ASAP2: variants seen among roughly 807,000 people sequenced by gnomAD.
The protein encoded by ASAP2 is ArfGAP with SH3 domain, ankyrin repeat and PH domain 2, also known as arf-GAP with SH3 domain, ANK repeat and PH domain-containing protein 2.
In ASAP2, 45 loss-of-function variants were observed where a neutral mutation model predicts 131.4. The ratio of observed to expected loss-of-function variants is 0.34; its 90% CI spans 0.27 to 0.44. The LOEUF (loss-of-function observed/expected upper bound fraction) is 0.44. Ranked by LOEUF, ASAP2 falls within the 20% of genes least tolerant of loss-of-function variation. The pLI is 1.00. For missense variants in ASAP2, 1,011 were observed against 1,297.0 expected (o/e 0.78, Z 3.39); for synonymous variants, 510 against 503.0 (o/e 1.01, Z -0.19).
chr2:9,318,796 C>T (rs1412804471), intron 4 of ASAP2, among the ~76,000 whole-genome samples, 198 bp downstream of exon 4: 2 of 152,154 alleles, frequency 1.3e-5, no homozygotes, highest in East Asian at 3.8e-4. Context: ...CCTTTCTGGC[C>T]GTCCTGTTGG....
At chr2:9,272,965 TTAAG>T (rs1039334393) in intron 1 of ASAP2, among the ~76,000 whole-genome samples, 8 of 152,234 alleles carry the variant, frequency 5.3e-5, no homozygotes, top group Non-Finnish European at 1.0e-4. Flanking sequence ...ATAGTATAAT[TTAAG>T]TAAGGTAATG....
At chr2:9,289,146 C>T (rs1667641150) in intron 2 of ASAP2, among the ~76,000 whole-genome samples, 1 of 152,158 alleles carries the variant, frequency 6.6e-6, no homozygotes, top group South Asian at 2.1e-4. Flanking sequence ...GAATGCAGAT[C>T]TCTTAGAAGC....
At chr2:9,275,771 C>T (rs1422184274) in intron 1 of ASAP2, among the ~76,000 whole-genome samples, 1 of 152,128 alleles carries the variant, frequency 6.6e-6, no homozygotes, top group Non-Finnish European at 1.5e-5. Flanking sequence ...GTGGCAAGCT[C>T]TCTGGTAGGC....
In ASAP2 at chr2:9,392,043, A is replaced by G. The variant is rs138305232; in HGVS notation, c.2518+847A>G. 3.9e-5 allele frequency among the ~76,000 whole-genome samples: 6 copies of G among 152,114 alleles called. No individual in the cohort carries two copies. The highest frequency in any genetic ancestry group is 1.4e-4 in the African/African-American group (6 of 41,520). ...TTATTGGTGCAAGCGTATTTTTTGT[A>G]GAGACAGGGTTTTGCTATGTTGCCC... is the stretch of plus-strand genomic sequence containing the variant. On this transcript the variant is annotated intron_variant, in intron 23 of 27. Coordinates refer to ENST00000281419, the MANE Select transcript of ASAP2 (RefSeq NM_003887.3). This position sits in a 1 kb window ranked among gnomAD's most constrained non-coding sequence, Gnocchi z 4.0.
chr2:9,279,333 G>A lies in ASAP2; in HGVS notation c.143G>A (p.Arg48Gln), dbSNP rs767981965. The A allele has an allele frequency of 4.3e-6, 7 of 1,614,034 alleles. No homozygotes were observed. Among genetic ancestry groups the A allele is most frequent in the Non-Finnish European group, 5.9e-6 (7 of 1,180,006 alleles). Residue 48 changes from arginine (R) to glutamine (Q), a missense_variant, in exon 2 of 28, where the codon CGG (arginine) becomes CAG (glutamine). Coordinates refer to ENST00000281419, the MANE Select transcript of ASAP2 (RefSeq NM_003887.3). ...AAIEEALDVD[R>Q]MVLYKMKKSV... ...ACATTTTAGGCTTTGGACGTGGACC[G>A]GATGGTTCTTTACAAAATGAAGAAA... is the stretch of plus-strand genomic sequence containing the variant.
chr2:9,329,260 G>A (rs1317527525), intron 7 of ASAP2, among the ~76,000 whole-genome samples: 1 of 152,236 alleles, frequency 6.6e-6, no homozygotes, highest in Non-Finnish European at 1.5e-5. Context: ...GATGGCCCCA[G>A]ACATCTTGCA....
chr2:9,400,080 T>C lies in ASAP2; in HGVS notation c.2734+8T>C. On this transcript the variant is annotated splice_region_variant and intron_variant, in intron 25 of 27. Coordinates refer to ENST00000281419, the MANE Select transcript of ASAP2 (RefSeq NM_003887.3). ...GCCAACCGAGAGGACCTGGTAATTA[T>C]TTAATTTGGGACTGAGTTTGTTTCT... 6.2e-7 allele frequency: 1 copy of C among 1,612,560 alleles called. No individual in the cohort carries two copies. The highest frequency in any genetic ancestry group is 1.1e-5 in the South Asian group (1 of 91,054).
At chr2:9,384,597 G>A (rs920763637) in intron 20 of ASAP2, among the ~76,000 whole-genome samples, 2 of 152,216 alleles carry the variant, frequency 1.3e-5, no homozygotes, top group African/African-American at 2.4e-5. Flanking sequence ...TGCTGGAGTG[G>A]CTCATAGAAC....
intron 1 of ASAP2, among the ~76,000 whole-genome samples, chr2:9,239,486 A>G (rs1663790571): frequency 6.6e-6 from 1 of 152,164 alleles, no homozygotes; most frequent in South Asian, 2.1e-4. Context: ...GGGAGATAAT[A>G]ACAAACTCTT....
At chr2:9,242,339 T>G (rs1285034123) in intron 1 of ASAP2, among the ~76,000 whole-genome samples, 1 of 152,206 alleles carries the variant, frequency 6.6e-6, no homozygotes, top group Non-Finnish European at 1.5e-5. Context: ...TGGTGGTGCT[T>G]GGTAAATGTT....
In ASAP2 at chr2:9,401,280, T is replaced by C; in HGVS notation, c.2830T>C (p.Leu944=). The part of the protein sequence containing the change: ...PMPRKSQATK[L]KPKRVKALYN... Reference sequence around the variant, plus strand: ...GTTCCCTCTCCTGACCCAGACCAAGTTGAAGCCTAAGCGGGTGAAAGCGCT... The same window carrying C: ...GTTCCCTCTCCTGACCCAGACCAAGCTGAAGCCTAAGCGGGTGAAAGCGCT... The change falls in exon 27 of 28, where the codon TTG becomes CTG. Residue 944 remains leucine (L), a synonymous_variant. Transcript: ENST00000281419. 1 of 1,613,416 alleles carries C rather than the reference T, an allele frequency of 6.2e-7. No individual in the cohort carries two copies. The highest frequency in any genetic ancestry group is 8.5e-7 in the Non-Finnish European group (1 of 1,179,886).
At chr2:9,362,326 G>A (rs1673156029) in intron 15 of ASAP2, among the ~76,000 whole-genome samples, 2 of 152,318 alleles carry the variant, frequency 1.3e-5, no homozygotes, top group South Asian at 4.1e-4. Flanking sequence ...CACAGGAGTA[G>A]CATCTCTCCT....
At chr2:9,342,445 T>A (rs186864118) in intron 9 of ASAP2, among the ~76,000 whole-genome samples, 73 of 152,348 alleles carry the variant, frequency 4.8e-4, no homozygotes, top group African/African-American at 1.7e-3. Context: ...CTGGGGCAGC[T>A]GGATAGCCAC....
intron 1 of ASAP2, among the ~76,000 whole-genome samples, chr2:9,231,483 G>A (rs1319672067): frequency 6.6e-6 from 1 of 152,194 alleles, no homozygotes; most frequent in Non-Finnish European, 1.5e-5. Context: ...TCGCTGAGAT[G>A]CCAGTGAGCA....
intron 16 of ASAP2, among the ~76,000 whole-genome samples, chr2:9,372,254 C>A (rs1195286524): frequency 6.6e-6 from 1 of 152,090 alleles, no homozygotes; most frequent in Non-Finnish European, 1.5e-5. Flanking sequence ...CCATGACACT[C>A]GCCAGGCCAG....
chr2:9,305,485 A>G (rs1668838054), intron 3 of ASAP2, among the ~76,000 whole-genome samples: 2 of 136,176 alleles, frequency 1.5e-5, no homozygotes, highest in Non-Finnish European at 1.6e-5. Context: ...GGGTATAGAT[A>G]TTGGTGGAGA....
At chr2:9,309,895 T>C (rs1327821708) in intron 3 of ASAP2, among the ~76,000 whole-genome samples, 1 of 152,208 alleles carries the variant, frequency 6.6e-6, no homozygotes, top group Non-Finnish European at 1.5e-5. Context: ...CTGTGGGACA[T>C]CACAGGTCCA....
At chr2:9,391,224 GC>G in intron 23 of ASAP2, 28 bp downstream of exon 23, 2 of 1,593,360 alleles carry the variant, frequency 1.3e-6, no homozygotes, top group Non-Finnish European at 8.6e-7. Flanking sequence ...TTCCTTTCTT[GC>G]CCGTGGGCTT....
At chr2:9,384,243 C>T (rs759027708) in intron 20 of ASAP2, among the ~76,000 whole-genome samples, 37 of 152,188 alleles carry the variant, frequency 2.4e-4, no homozygotes, top group Admixed American at 5.9e-4. Flanking sequence ...CAAACTTACA[C>T]CACAAACTAA....
Sources: gnomAD v4.1 joint callset for allele counts (sites outside exome capture counted in the v4.1 genomes callset) on GRCh38, gnomAD v4.1.1 for gene constraint, Gnocchi (gnomAD v3.1) non-coding constraint, MANE v1.5 for transcripts, NCBI Gene and HGNC (gene_info 2026-07-23, HGNC 2026-07-21) for gene names.